The following MPDZ variants were observed in gnomAD, a reference collection of about 807,000 sequenced individuals.
MPDZ encodes the protein multiple PDZ domain protein.
In MPDZ, 234 loss-of-function variants were observed where a neutral mutation model predicts 239.1. That is an observed-to-expected ratio of 0.98 (90% CI 0.88 to 1.09). The LOEUF is 1.09. Ranked by LOEUF, MPDZ falls within the 50% of genes least tolerant of loss-of-function variation. The pLI, the probability that MPDZ is intolerant of heterozygous loss-of-function variation, is 0.00. For synonymous variants in MPDZ, 1,048 were observed against 881.3 expected, an observed-to-expected ratio of 1.19 and a Z score of -3.35; for missense variants, 3,175 against 2,510.0, an observed-to-expected ratio of 1.26 and a Z score of -5.66.
In MPDZ at chr9:13,143,551, G is replaced by T. The variant is rs759702893; in HGVS notation, c.3755C>A (p.Pro1252His). ...IINRPRKSPL[P>H]SLLHNLYPKY... ...AGGGTAAAGGTTGTGCAGCAAGGAA[G>T]GCAAAGGGGATTTCTAAAAGGAAAC... Residue 1252 changes from proline (P) to histidine (H), a missense_variant, in exon 27 of 47, where the codon CCT (proline) becomes CAT (histidine). Transcript: ENST00000319217. 1 of 1,612,764 alleles carries T rather than the reference G, an allele frequency of 6.2e-7. No homozygotes were observed. The highest frequency in any genetic ancestry group is 8.5e-7 in the Non-Finnish European group (1 of 1,178,950).
rs1206985138 is a variant in MPDZ at position 13,216,864 on chromosome 9, T to C, written c.1202-2A>G. 4.4e-6 allele frequency: 7 copies of C among 1,604,748 alleles called. No individual in the cohort carries two copies. The highest frequency in any genetic ancestry group is 1.7e-5 in the Admixed American group (1 of 59,514). ...TCTTTACAAAGATTCCTGAAGGTTC[T>C]AAGATTAGAAATAGTTTATTTTTCA... On this transcript the variant is annotated splice_acceptor_variant, in intron 9 of 46. Coordinates refer to ENST00000319217, the MANE Select transcript of MPDZ (RefSeq NM_001378778.1). LOFTEE classifies it high-confidence loss of function.
chr9:13,124,641 C>G (rs1370604490), intron 35 of MPDZ, among the ~76,000 whole-genome samples: 1 of 152,096 alleles, frequency 6.6e-6, no homozygotes. Context: ...GTTCACGTAA[C>G]CTAAATCCAT....
At chr9:13,251,396 G>A (rs1967973366) in intron 1 of MPDZ, among the ~76,000 whole-genome samples, 1 of 152,032 alleles carries the variant, frequency 6.6e-6, no homozygotes, top group South Asian at 2.1e-4. Flanking sequence ...TAGATTCTTT[G>A]AAATACTGGA....
intron 1 of MPDZ, among the ~76,000 whole-genome samples, chr9:13,271,395 G>A (rs1420887821): frequency 6.6e-5 from 10 of 152,098 alleles, no homozygotes; most frequent in South Asian, 2.1e-4. Flanking sequence ...AATAGGAAAC[G>A]GAAGACAGGA....
chr9:13,261,640 A>G (rs1006428097), intron 1 of MPDZ, among the ~76,000 whole-genome samples: 10 of 152,138 alleles, frequency 6.6e-5, no homozygotes, highest in African/African-American at 2.2e-4. Context: ...AAGCTCCTAC[A>G]CTTGATGGGT....
intron 19 of MPDZ, among the ~76,000 whole-genome samples, chr9:13,182,332 T>C (rs1272710916): frequency 6.6e-6 from 1 of 152,076 alleles, no homozygotes; most frequent in East Asian, 1.9e-4. Context: ...CATGATTTAA[T>C]AGATATAAAC....
At chr9:13,239,263 T>G (rs148676656) in intron 3 of MPDZ, among the ~76,000 whole-genome samples, 2 of 152,278 alleles carry the variant, frequency 1.3e-5, no homozygotes, top group African/African-American at 4.8e-5. Context: ...TTCACTATGC[T>G]GTGTAAGAAG....
At chr9:13,139,036 C>G (rs971788897) in intron 28 of MPDZ, among the ~76,000 whole-genome samples, 1 of 152,186 alleles carries the variant, frequency 6.6e-6, no homozygotes, top group Non-Finnish European at 1.5e-5. Context: ...TGATTGTTAG[C>G]AATATGCTCT....
chr9:13,243,908 G>A (rs992431101), intron 3 of MPDZ, among the ~76,000 whole-genome samples: 1 of 152,180 alleles, frequency 6.6e-6, no homozygotes, highest in Admixed American at 6.5e-5. Flanking sequence ...GGTCACTGAC[G>A]AGGAGAGACC....
Position 13,216,869 on chromosome 9 carries a change from T to C in MPDZ, c.1202-7A>G, listed in dbSNP as rs2136127318. On this transcript the variant is annotated splice_polypyrimidine_tract_variant and splice_region_variant and intron_variant, in intron 9 of 46. Transcript: ENST00000319217. ...ACAAAGATTCCTGAAGGTTCTAAGA[T>C]TAGAAATAGTTTATTTTTCACAATT... The C allele has an allele frequency of 6.3e-7, 1 of 1,597,986 alleles. No homozygotes were observed. Among genetic ancestry groups the C allele is most frequent in the Non-Finnish European group, 8.6e-7 (1 of 1,169,442 alleles).
rs779688439 is a variant in MPDZ at position 13,222,303 on chromosome 9, G to C, written c.677C>G (p.Pro226Arg). ...GGAAACTATGGGGCTGACAAGCTGA[G>C]GCAATGAGCCTCTGGCAATAACTAG... ...VQLVIARGSL[P>R]QLVSPIVSRS... Residue 226 changes from proline (P) to arginine (R), a missense_variant, in exon 6 of 47, where the codon CCT (proline) becomes CGT (arginine). Pro to Arg is a moderately radical substitution (Grantham distance 103). Coordinates refer to ENST00000319217, the MANE Select transcript of MPDZ (RefSeq NM_001378778.1). 2 of 1,612,974 alleles carry C rather than the reference G, an allele frequency of 1.2e-6. No homozygotes were observed. Among genetic ancestry groups the C allele is most frequent in the Non-Finnish European group, 8.5e-7 (1 of 1,179,298 alleles).
chr9:13,169,950 T>C (rs1951573468), intron 21 of MPDZ, among the ~76,000 whole-genome samples: 1 of 152,170 alleles, frequency 6.6e-6, no homozygotes, highest in Non-Finnish European at 1.5e-5. Context: ...AAAGTCCTTC[T>C]CAACAGACTC....
At chr9:13,134,036 T>C (rs1225779508) in intron 31 of MPDZ, 132 bp from the exon 32 acceptor site, 4 of 333,484 alleles carry the variant, frequency 1.2e-5, no homozygotes, top group Non-Finnish European at 2.1e-5. Context: ...TTTATTTTAA[T>C]ACACTATTGC....
chr9:13,157,070 G>C (rs1438426472), intron 24 of MPDZ, among the ~76,000 whole-genome samples: 2 of 152,162 alleles, frequency 1.3e-5, no homozygotes, highest in African/African-American at 2.4e-5. Flanking sequence ...ATTTAAATGT[G>C]ATGGCTGCAG....
Position 13,205,979 on chromosome 9 carries a change from T to C in MPDZ, c.1411A>G (p.Met471Val). ...RRGMKQEAELMSREDVTKDAD... is the reference protein window; with the variant it reads ...RRGMKQEAELVSREDVTKDAD... Reference sequence around the variant, plus strand: ...TCTTTTGTGACGTCTTCCCTTGACATGAGCTCGGCTTCCTGCTTCATTCCT... The same window carrying C: ...TCTTTTGTGACGTCTTCCCTTGACACGAGCTCGGCTTCCTGCTTCATTCCT... The change falls in exon 11 of 47, where the codon ATG becomes GTG. Residue 471 changes from methionine (M) to valine (V), a missense_variant. Met to Val is a conservative substitution (Grantham distance 21, BLOSUM62 1). Coordinates refer to ENST00000319217, the MANE Select transcript of MPDZ (RefSeq NM_001378778.1). 6.2e-7 allele frequency: 1 copy of C among 1,611,630 alleles called. No homozygotes were observed. The highest frequency in any genetic ancestry group is 1.1e-5 in the South Asian group (1 of 90,334).
intron 21 of MPDZ, among the ~76,000 whole-genome samples, chr9:13,174,112 C>T (rs1219348795): frequency 1.3e-5 from 2 of 152,116 alleles, no homozygotes; most frequent in Non-Finnish European, 2.9e-5. Flanking sequence ...TAAAAATCTC[C>T]TCTTTTTAGA....
Position 13,224,410 on chromosome 9 carries a change from A to G in MPDZ, c.357T>C (p.Cys119=), listed in dbSNP as rs894564028. ...GIPHINGKPA[C]DEFDQLIKNM... ...TTTTGATAAGCTGATCAAATTCATC[A>G]CAAGCAGGTTTCCCATTAATGTGTG... The change falls in exon 4 of 47, where the codon TGT becomes TGC. Residue 119 remains cysteine (C), a synonymous_variant. Coordinates refer to ENST00000319217, the MANE Select transcript of MPDZ (RefSeq NM_001378778.1). 6.2e-7 allele frequency: 1 copy of G among 1,612,614 alleles called. No homozygotes were observed. The highest frequency in any genetic ancestry group is 8.5e-7 in the Non-Finnish European group (1 of 1,179,234).
intron 1 of MPDZ, among the ~76,000 whole-genome samples, chr9:13,255,138 T>G (rs1354748250): frequency 1.3e-5 from 2 of 152,200 alleles, no homozygotes; most frequent in African/African-American, 4.8e-5. Flanking sequence ...ACATTTCATC[T>G]CAAGAAACCA....
chr9:13,220,949 T>A (rs78979328), intron 7 of MPDZ, among the ~76,000 whole-genome samples: 1 of 152,008 alleles, frequency 6.6e-6, no homozygotes, highest in East Asian at 1.9e-4. Flanking sequence ...ATGATACCAA[T>A]GACCCATCAC....
Sources: allele counts gnomAD v4.1 joint callset (sites outside exome capture counted in the v4.1 genomes callset), GRCh38; gene constraint gnomAD v4.1.1; transcripts MANE v1.5; gene names NCBI Gene and HGNC (gene_info 2026-07-23, HGNC 2026-07-21).